The following MCTP1 variants were observed in gnomAD, a reference collection of about 807,000 sequenced individuals.
MCTP1 encodes the protein multiple C2 and transmembrane domain-containing protein 1.
Under a neutral mutation model 120.6 loss-of-function variants are expected in MCTP1, and 69 were observed. That is an observed-to-expected ratio of 0.57 (90% confidence interval 0.47 to 0.70). The LOEUF (loss-of-function observed/expected upper bound fraction) is 0.70. MCTP1 is among the 30% of genes least tolerant of loss of function. The probability of loss-of-function intolerance (pLI) is 0.00; values close to 1 mark genes in which losing one functional copy is unlikely to be tolerated. For missense variants in MCTP1, 1,203 were observed against 1,248.8 expected, an observed-to-expected ratio of 0.96 and a Z score of 0.55; for synonymous variants, 529 against 493.1, an observed-to-expected ratio of 1.07 and a Z score of -0.96.
At chr5:94,921,624 T>G (rs1811686771) in intron 7 of MCTP1, among the ~76,000 whole-genome samples, 1 of 152,194 alleles carries the variant, frequency 6.6e-6, no homozygotes, top group Non-Finnish European at 1.5e-5. Context: ...AATAACAATA[T>G]TGCTTGGGTA....
At position 95,284,598 on chromosome 5, in the gene MCTP1, T is replaced by A; in HGVS notation, c.-23A>T. ...CATCCTCCACCCCCTGCTCCTCCTC[T>A]CCCCTCCTCCTCCTCCTCCTCCTCC... On this transcript the variant is annotated 5_prime_UTR_variant, in exon 1 of 23. Coordinates refer to ENST00000515393, the MANE Select transcript of MCTP1 (RefSeq NM_024717.7). This position sits in a 1 kb window ranked among gnomAD's most constrained non-coding sequence, Gnocchi z 5.2. 1 of 1,390,312 alleles carries A rather than the reference T, an allele frequency of 7.2e-7. No individual in the cohort carries two copies. Among genetic ancestry groups the A allele is most frequent in the South Asian group, 1.6e-5 (1 of 63,518 alleles). The allele number at this position is 1,390,312 out of a possible 1,614,324, so 86.1% of individuals were successfully genotyped here.
intron 1 of MCTP1, among the ~76,000 whole-genome samples, chr5:95,137,805 G>A (rs1401089870): frequency 6.6e-6 from 1 of 152,056 alleles, no homozygotes; most frequent in Non-Finnish European, 1.5e-5. Flanking sequence ...CTTTTTTAAT[G>A]TCTGCTCAAT....
At chr5:94,966,863 T>C (rs1245193036) in intron 2 of MCTP1, among the ~76,000 whole-genome samples, 1 of 151,954 alleles carries the variant, frequency 6.6e-6, no homozygotes, top group Non-Finnish European at 1.5e-5. Context: ...TGAGGGCTAG[T>C]TCAGCTAGTG....
chr5:94,710,053 A>AG (rs1281209821), intron 21 of MCTP1: 5 of 152,104 alleles, frequency 3.3e-5, no homozygotes, highest in African/African-American at 1.2e-4. Flanking sequence ...TAAGCAGGTG[A>AG]GGGGTAAGTA....
chr5:95,226,002 T>C (rs1754220175), intron 1 of MCTP1, among the ~76,000 whole-genome samples: 1 of 152,194 alleles, frequency 6.6e-6, no homozygotes, highest in Admixed American at 6.5e-5. Context: ...TCTAATTTTA[T>C]TTTTTAAATT....
chr5:94,757,153 G>A (rs2152830217), intron 19 of MCTP1, among the ~76,000 whole-genome samples: 1 of 152,302 alleles, frequency 6.6e-6, no homozygotes, highest in East Asian at 1.9e-4. Flanking sequence ...ATAGTGCTGA[G>A]CAAATAATTC....
intron 2 of MCTP1, among the ~76,000 whole-genome samples, chr5:94,962,732 A>T (rs1824587159): frequency 1.3e-5 from 2 of 152,012 alleles, no homozygotes; most frequent in African/African-American, 4.8e-5. Context: ...AAAGGCTGGG[A>T]AGGCAGTGGG....
At chr5:94,842,540 T>C (rs1014744132) in intron 17 of MCTP1, among the ~76,000 whole-genome samples, 1 of 152,224 alleles carries the variant, frequency 6.6e-6, no homozygotes, top group Non-Finnish European at 1.5e-5. Flanking sequence ...AGTTATTAAT[T>C]AGTAATATGT....
At chr5:95,038,422 A>G (rs1841741476) in intron 1 of MCTP1, among the ~76,000 whole-genome samples, 1 of 152,236 alleles carries the variant, frequency 6.6e-6, no homozygotes, top group South Asian at 2.1e-4. Flanking sequence ...AAATAAGTAA[A>G]CAGGGGATAA....
intron 1 of MCTP1, among the ~76,000 whole-genome samples, chr5:95,115,996 A>C (rs1221245078): frequency 6.8e-6 from 1 of 147,690 alleles, no homozygotes; most frequent in African/African-American, 2.5e-5. Context: ...GTGCTAAAGG[A>C]AAAAAAAAAA....
At chr5:95,184,273 A>G (rs1254087840) in intron 1 of MCTP1, among the ~76,000 whole-genome samples, 2 of 152,232 alleles carry the variant, frequency 1.3e-5, no homozygotes, top group African/African-American at 2.4e-5. Flanking sequence ...CGTGTCCACA[A>G]AAAGGATTAC....
intron 19 of MCTP1, among the ~76,000 whole-genome samples, chr5:94,715,484 ATATATTT>A (rs1250658539): frequency 6.6e-6 from 1 of 151,946 alleles, no homozygotes; most frequent in Non-Finnish European, 1.5e-5. Flanking sequence ...TAGTCTAGTC[ATATATTT>A]TATACGGTAG....
intron 3 of MCTP1, among the ~76,000 whole-genome samples, chr5:94,944,846 G>A (rs1818547792): frequency 6.6e-6 from 1 of 152,150 alleles, no homozygotes; most frequent in Non-Finnish European, 1.5e-5. Context: ...CTCTAAGTGA[G>A]CTTTAGAAAT....
At chr5:95,055,790 G>T (rs182220925) in intron 1 of MCTP1, among the ~76,000 whole-genome samples, 3 of 152,242 alleles carry the variant, frequency 2.0e-5, no homozygotes, top group Admixed American at 6.5e-5. Context: ...CACCTGTAAA[G>T]TAGGATCAAT....
chr5:95,002,337 C>G (rs1405826090), intron 2 of MCTP1, among the ~76,000 whole-genome samples: 1 of 152,170 alleles, frequency 6.6e-6, no homozygotes. Flanking sequence ...GGGTCACCGT[C>G]CTCCAGATCC....
chr5:95,275,262 G>T (rs567568427), intron 1 of MCTP1, among the ~76,000 whole-genome samples: 1 of 152,142 alleles, frequency 6.6e-6, no homozygotes, highest in Non-Finnish European at 1.5e-5. Flanking sequence ...TTATTTATTT[G>T]ACAAAAATTC....
At chr5:94,949,792 C>G (rs955859031) in intron 3 of MCTP1, among the ~76,000 whole-genome samples, 8 of 152,080 alleles carry the variant, frequency 5.3e-5, no homozygotes, top group Non-Finnish European at 1.2e-4. Flanking sequence ...TCAGTCACTA[C>G]AGAATTGATT....
intron 5 of MCTP1, among the ~76,000 whole-genome samples, chr5:94,936,171 T>C (rs2153491048): frequency 6.6e-6 from 1 of 152,120 alleles, no homozygotes; most frequent in South Asian, 2.1e-4. Context: ...AAAAGAAAAT[T>C]AAATCATTAT....
intron 1 of MCTP1, among the ~76,000 whole-genome samples, chr5:95,074,555 T>C (rs923585507): frequency 2.6e-5 from 4 of 152,238 alleles, no homozygotes; most frequent in Admixed American, 2.0e-4. Context: ...CATTTATTTT[T>C]AGGATCTGGA....
Sources: gnomAD v4.1 joint callset for allele counts (sites outside exome capture counted in the v4.1 genomes callset) on GRCh38, gnomAD v4.1.1 for gene constraint, Gnocchi (gnomAD v3.1) non-coding constraint, MANE v1.5 for transcripts, NCBI Gene and HGNC (gene_info 2026-07-23, HGNC 2026-07-21) for gene names.